The following CYP11A1 variants were observed in gnomAD, a reference collection of about 807,000 sequenced individuals.
The protein encoded by CYP11A1 is cholesterol side-chain cleavage enzyme, mitochondrial.
In CYP11A1, 25 loss-of-function variants were observed where a neutral mutation model predicts 51.9. The observed-to-expected ratio is 0.48, with a 90% CI of 0.35 to 0.67. The LOEUF is 0.67. Ranked by LOEUF, CYP11A1 falls within the 30% of genes least tolerant of loss-of-function variation. CYP11A1 has a pLI of 0.00. For synonymous variants in CYP11A1, 245 were observed against 262.1 expected (o/e 0.93, Z 0.63); for missense variants, 578 against 680.9 (o/e 0.85, Z 1.68).
intron 1 of CYP11A1, chr15:74,365,767 C>T: frequency 1.0e-6 from 1 of 985,568 alleles, no homozygotes; most frequent in Non-Finnish European, 1.2e-6. Flanking sequence ...CGGGTGAACG[C>T]AGCGAGCGAG....
Position 74,338,721 on chromosome 15 carries a change from G to A in CYP11A1, c.1284C>T (p.Phe428=). The A allele has an allele frequency of 1.2e-6, 2 of 1,614,192 alleles. No individual in the cohort carries two copies. Among genetic ancestry groups the A allele is most frequent in the Admixed American group, 1.7e-5 (1 of 60,034 alleles). The change falls in exon 8 of 9, where the codon TTC becomes TTT. Residue 428 remains phenylalanine, a synonymous_variant. Coordinates refer to ENST00000268053, the MANE Select transcript of CYP11A1 (RefSeq NM_000781.3). ...GGTCAAAATTTTCCGGGTCGAAGAA[G>A]AAGGTGGGCTCTCGGCCCAGAGCAT... ...AIYALGREPT[F]FFDPENFDPT...
rs571917161 is a variant in CYP11A1, at chr15:74,360,077, A to C, written c.269+7240T>G. 2.0e-5 allele frequency among the ~76,000 whole-genome samples: 3 copies of C among 152,328 alleles called. No homozygotes were observed. In the East Asian group the frequency reaches 5.8e-4, roughly 29 times the overall value. On this transcript the variant is annotated intron_variant, in intron 1 of 8. Coordinates refer to ENST00000268053, the MANE Select transcript of CYP11A1 (RefSeq NM_000781.3). ...AAAATACAGTTGTCTTCAAAATGTAAACATGTGGTGTACATTATGTTCAAA... is the reference window on the plus strand; with the variant it reads ...AAAATACAGTTGTCTTCAAAATGTACACATGTGGTGTACATTATGTTCAAA...
At chr15:74,365,961 G>T in intron 1 of CYP11A1, 1 of 886,186 alleles carries the variant, frequency 1.1e-6, no homozygotes, top group South Asian at 5.5e-5. Context: ...GCGGCAGAGT[G>T]ACTGGGACCT....
At chr15:74,354,965 A>G (rs1165947931) in intron 1 of CYP11A1, among the ~76,000 whole-genome samples, 2 of 151,972 alleles carry the variant, frequency 1.3e-5, no homozygotes, top group Non-Finnish European at 2.9e-5. Flanking sequence ...CACCACGGGG[A>G]CACCTGCCTT....
intron 4 of CYP11A1, 141 bp from the exon 5 acceptor site, chr15:74,343,278 G>A (rs1256385155): frequency 1.4e-5 from 11 of 775,556 alleles, no homozygotes; most frequent in African/African-American, 6.8e-5. Flanking sequence ...TACTGAGCAC[G>A]TACTCTGTAC....
Position 74,338,065 on chromosome 15 carries a change from G to T in CYP11A1, c.1473C>A (p.Ser491Arg), listed in dbSNP as rs764433725. The change falls in exon 9 of 9, where the codon AGC (serine) becomes AGA (arginine). Residue 491 changes from serine (S) to arginine (R), a missense_variant. Physicochemically the swap from Ser to Arg is moderately radical, Grantham distance 110. Coordinates refer to ENST00000268053, the MANE Select transcript of CYP11A1 (RefSeq NM_000781.3). ...ENFRVEIQHL[S>R]DVGTTFNLIL... The stretch of plus-strand genomic sequence containing the variant: ...TGAGGTTGAATGTGGTGCCCACATC[G>T]CTGAGGTGTTGGATTTCAACTCTGA... 6.2e-7 allele frequency: 1 copy of T among 1,614,136 alleles called. No homozygotes were observed. The highest frequency in any genetic ancestry group is 1.7e-5 in the Admixed American group (1 of 60,028).
At chr15:74,365,775 G>C (rs2060729479) in intron 1 of CYP11A1, 6 of 985,410 alleles carry the variant, frequency 6.1e-6, no homozygotes, top group Non-Finnish European at 7.2e-6. Flanking sequence ...CGCAGCGAGC[G>C]AGGGCAGAGG....
At chr15:74,346,790 C>T (rs949974968) in intron 2 of CYP11A1, among the ~76,000 whole-genome samples, 1 of 149,178 alleles carries the variant, frequency 6.7e-6, no homozygotes, top group Non-Finnish European at 1.5e-5. Context: ...TACGTTTTAC[C>T]TTTTCTTTTC....
chr15:74,350,293 A>C (rs1181398306), intron 1 of CYP11A1: 6 of 200,474 alleles, frequency 3.0e-5, no homozygotes, highest in South Asian at 8.8e-5. Flanking sequence ...TAGGAAAAAA[A>C]CCCACAAAAG....
chr15:74,338,427 G>A, intron 8 of CYP11A1, 144 bp downstream of exon 8: 1 of 867,178 alleles, frequency 1.2e-6, no homozygotes, highest in Non-Finnish European at 1.9e-6. Context: ...AACTGTGGGA[G>A]AGAGCGAGAG....
intron 1 of CYP11A1, among the ~76,000 whole-genome samples, chr15:74,349,862 G>T (rs1386402892): frequency 6.6e-6 from 1 of 152,078 alleles, no homozygotes; most frequent in African/African-American, 2.4e-5. Flanking sequence ...GGAGAGGGAG[G>T]ATCACTTGCG....
intron 1 of CYP11A1, among the ~76,000 whole-genome samples, chr15:74,351,960 T>C (rs1053888453): frequency 1.6e-4 from 25 of 152,198 alleles, no homozygotes; most frequent in African/African-American, 5.1e-4. Flanking sequence ...CTGGCAAGCT[T>C]GTATTGCTAT....
At chr15:74,342,031 C>T (rs2060609305) in intron 5 of CYP11A1, among the ~76,000 whole-genome samples, 1 of 152,208 alleles carries the variant, frequency 6.6e-6, no homozygotes, top group African/African-American at 2.4e-5. Flanking sequence ...GTTACAGCGG[C>T]CCTAGCAAAC....
At chr15:74,347,818 C>T (rs1251244540) in intron 2 of CYP11A1, 82 bp downstream of exon 2, 2 of 1,498,802 alleles carry the variant, frequency 1.3e-6, no homozygotes, top group African/African-American at 1.4e-5. Context: ...AGCCTGGCCT[C>T]AGCCCCTCAC....
intron 1 of CYP11A1, among the ~76,000 whole-genome samples, chr15:74,357,348 T>G (rs2060684949): frequency 6.6e-6 from 1 of 152,090 alleles, no homozygotes; most frequent in Admixed American, 6.5e-5. Flanking sequence ...TCCTCATCCA[T>G]TACCTATCTC....
chr15:74,348,830 T>C (rs2060643402), intron 1 of CYP11A1, among the ~76,000 whole-genome samples: 1 of 152,108 alleles, frequency 6.6e-6, no homozygotes, highest in Non-Finnish European at 1.5e-5. Flanking sequence ...CCTCCCAGGC[T>C]CAAGCGACCC....
intron 1 of CYP11A1, chr15:74,365,880 G>A: frequency 1.0e-6 from 1 of 985,484 alleles, no homozygotes; most frequent in Non-Finnish European, 1.2e-6. Context: ...CTCCTGGCAG[G>A]GCCAGCGAAG....
At chr15:74,340,176 C>T (rs183849068) in intron 5 of CYP11A1, among the ~76,000 whole-genome samples, 12 of 152,374 alleles carry the variant, frequency 7.9e-5, no homozygotes, top group East Asian at 5.8e-4. Context: ...ACCCCTCTTT[C>T]CAGTAGAACT....
chr15:74,344,600 C>G (rs1199424702), intron 3 of CYP11A1, among the ~76,000 whole-genome samples: 2 of 152,192 alleles, frequency 1.3e-5, no homozygotes, highest in Non-Finnish European at 2.9e-5. Context: ...TGCCTGACTT[C>G]CTTACCCCAT....
Sources: gnomAD v4.1 joint callset for allele counts (sites outside exome capture counted in the v4.1 genomes callset) on GRCh38, gnomAD v4.1.1 for gene constraint, MANE v1.5 for transcripts, NCBI Gene and HGNC (gene_info 2026-07-23, HGNC 2026-07-21) for gene names.